RASA3: variants seen among roughly 807,000 people sequenced by gnomAD.
The protein encoded by RASA3 is ras GTPase-activating protein 3.
RASA3 carries 73 observed loss-of-function variants against 110.0 expected under a neutral mutation model. That is an observed-to-expected ratio of 0.66 (90% CI 0.55 to 0.81). The LOEUF (loss-of-function observed/expected upper bound fraction) is 0.81. Among genes scored for constraint, RASA3 ranks in the 30% least tolerant of loss-of-function variants. The probability of loss-of-function intolerance (pLI) is 0.00; values close to 1 mark genes in which losing one functional copy is unlikely to be tolerated. For missense variants in RASA3, 976 were observed against 1,113.2 expected, an observed-to-expected ratio of 0.88 and a Z score of 1.75; for synonymous variants, 500 against 451.4, an observed-to-expected ratio of 1.11 and a Z score of -1.37.
At chr13:114,118,904 T>A (rs1051791093) in intron 1 of RASA3, among the ~76,000 whole-genome samples, 1 of 152,184 alleles carries the variant, frequency 6.6e-6, no homozygotes, top group African/African-American at 2.4e-5. Context: ...GCGACAGGGG[T>A]GTGGGTGCCA....
At chr13:114,071,777 C>T (rs1372384558) in intron 2 of RASA3, among the ~76,000 whole-genome samples, 4 of 152,178 alleles carry the variant, frequency 2.6e-5, no homozygotes, top group African/African-American at 4.8e-5. Flanking sequence ...CTGTCAGTGA[C>T]GGAGTGATAT....
rs536255211 is a variant in RASA3 at position 114,056,499 on chromosome 13, C to T, written c.174-4344G>A. On this transcript the variant is annotated intron_variant, in intron 2 of 23. Coordinates refer to ENST00000334062, the MANE Select transcript of RASA3 (RefSeq NM_007368.4). The surrounding 1 kb of genome is among the most constrained non-coding windows in gnomAD (Gnocchi z 5.7). ...GGGCTGAGAGTGCGGCGTCCCTGGG[C>T]GCTGCCCGGTAGCGGGGTGTTCAGT... The T allele has an allele frequency of 1.3e-4, 125 of 985,316 alleles. No individual in the cohort carries two copies. The highest frequency in any genetic ancestry group is 1.4e-4 in the Non-Finnish European group (120 of 829,924). The allele number at this position is 985,316 out of a possible 1,614,324, so 61.0% of individuals were successfully genotyped here. A position where few individuals can be genotyped will look rare whatever the true frequency, so the allele number is the denominator to read the frequency against.
rs368241696 is a variant in RASA3, at chr13:114,018,079, C to T, written c.1091+25G>A. Reference sequence around the variant, plus strand: ...CCCTGTAGCGGGTCCAGGCCGCTCTCCCCCGGGGCAGGGTGGGCACTCACT... The same window carrying T: ...CCCTGTAGCGGGTCCAGGCCGCTCTTCCCCGGGGCAGGGTGGGCACTCACT... On this transcript the variant is annotated intron_variant, in intron 11 of 23. Coordinates refer to ENST00000334062, the MANE Select transcript of RASA3 (RefSeq NM_007368.4). 2.2e-3 allele frequency: 3,339 copies of T among 1,494,182 alleles called. 94 individuals carry two copies. In the South Asian group the frequency reaches 0.04, roughly 18 times the overall value. 92.6% of individuals were successfully genotyped at this position (1,494,182 alleles called of 1,614,324 possible).
intron 19 of RASA3, 108 bp downstream of exon 19, chr13:114,000,718 G>A (rs951541795): frequency 2.7e-5 from 23 of 855,126 alleles, no homozygotes; most frequent in Admixed American, 1.5e-4. Flanking sequence ...GGCTCTGCCC[G>A]CAGCACTGAA....
rs924933399 is a variant in RASA3 at position 114,011,548 on chromosome 13, G to A, written c.1513-300C>T. Reference sequence around the variant, plus strand: ...GCATCAGGTGGGGTCATGGCTCTGGGGCGCTGAGTCTCGGGGTGCTGAGTC... The same window carrying A: ...GCATCAGGTGGGGTCATGGCTCTGGAGCGCTGAGTCTCGGGGTGCTGAGTC... On this transcript the variant is annotated intron_variant, in intron 15 of 23. Coordinates refer to ENST00000334062, the MANE Select transcript of RASA3 (RefSeq NM_007368.4). The surrounding 1 kb of genome is among the most constrained non-coding windows in gnomAD (Gnocchi z 4.8). 2.6e-5 allele frequency among the ~76,000 whole-genome samples: 4 copies of A among 152,236 alleles called. No homozygotes were observed. The highest frequency in any genetic ancestry group is 4.8e-5 in the African/African-American group (2 of 41,536).
chr13:113,994,093 C>T (rs566383951), intron 21 of RASA3, among the ~76,000 whole-genome samples: 48 of 152,240 alleles, frequency 3.2e-4, no homozygotes, highest in African/African-American at 8.4e-4. Flanking sequence ...ATTTCTGAAA[C>T]GTCTGTAATT....
intron 2 of RASA3, among the ~76,000 whole-genome samples, chr13:114,064,921 T>G (rs1251505416): frequency 1.3e-5 from 2 of 152,254 alleles, no homozygotes; most frequent in Non-Finnish European, 1.5e-5. Flanking sequence ...TCCTGCCATG[T>G]GGCCTAAGGA....
chr13:114,037,115 G>A (rs1253357157), intron 4 of RASA3, among the ~76,000 whole-genome samples: 5 of 152,182 alleles, frequency 3.3e-5, no homozygotes, highest in African/African-American at 7.2e-5. Context: ...GCTTGGCCAC[G>A]GGTACGCAGC....
At chr13:114,000,707 G>C in intron 19 of RASA3, 119 bp downstream of exon 19, 1 of 777,638 alleles carries the variant, frequency 1.3e-6, no homozygotes, top group Non-Finnish European at 2.2e-6. Context: ...CCGCGGCCCC[G>C]GGCTCTGCCC....
At chr13:114,099,530 C>G (rs1341510585) in intron 1 of RASA3, among the ~76,000 whole-genome samples, 1 of 151,560 alleles carries the variant, frequency 6.6e-6, no homozygotes, top group Non-Finnish European at 1.5e-5. Context: ...AGCGCGTCTC[C>G]CTCCTTTCCC....
chr13:114,014,723 C>T lies in RASA3; in HGVS notation c.1405+486G>A, dbSNP rs1007797600. Among the ~76,000 whole-genome samples, 6 of 152,136 alleles carry T rather than the reference C, an allele frequency of 3.9e-5. No homozygotes were observed. The highest frequency in any genetic ancestry group is 5.9e-5 in the Non-Finnish European group (4 of 67,998). On this transcript the variant is annotated intron_variant, in intron 14 of 23. Coordinates refer to ENST00000334062, the MANE Select transcript of RASA3 (RefSeq NM_007368.4). This position sits in a 1 kb window ranked among gnomAD's most constrained non-coding sequence, Gnocchi z 4.5. ...GGGGTTTGAAGAAAGGGCAGCTCCCCCAGGGGTCCTGTCTCTTCGAAGACA... is the reference window on the plus strand; with the variant it reads ...GGGGTTTGAAGAAAGGGCAGCTCCCTCAGGGGTCCTGTCTCTTCGAAGACA...
intron 1 of RASA3, among the ~76,000 whole-genome samples, chr13:114,129,087 C>T (rs1377926755): frequency 6.6e-6 from 1 of 152,206 alleles, no homozygotes; most frequent in Non-Finnish European, 1.5e-5. Context: ...GCCTTGGGGG[C>T]GGGGGCCCCA....
Position 114,117,725 on chromosome 13 carries a change from T to C in RASA3, c.55+14710A>G, listed in dbSNP as rs899975110. ...GGGGTGCACGTGTGTGAGGGATGCA[T>C]GTGTGTGAGGAGAGCACGTGTGTGA... On this transcript the variant is annotated intron_variant, in intron 1 of 23. Coordinates refer to ENST00000334062, the MANE Select transcript of RASA3 (RefSeq NM_007368.4). Among the ~76,000 whole-genome samples, 10 of 59,784 alleles carry C rather than the reference T, an allele frequency of 1.7e-4. No individual in the cohort carries two copies. The South Asian group carries it at 2.6e-3, about 16-fold the overall frequency. The allele number at this position is 59,784 out of a possible 152,430, so 39.2% of individuals were successfully genotyped here. A position where few individuals can be genotyped will look rare whatever the true frequency, so the allele number is the denominator to read the frequency against.
chr13:114,063,035 C>T (rs1416517323), intron 2 of RASA3, among the ~76,000 whole-genome samples: 6 of 152,138 alleles, frequency 3.9e-5, no homozygotes, highest in South Asian at 2.1e-4. Flanking sequence ...TTACAGGGCG[C>T]GAGTGTCGTT....
chr13:114,074,787 C>G (rs1237493322), intron 1 of RASA3, among the ~76,000 whole-genome samples: 3 of 152,216 alleles, frequency 2.0e-5, no homozygotes, highest in African/African-American at 7.2e-5. Context: ...TCCCGGACTC[C>G]TTGTTTGCCA....
chr13:114,020,276 G>C (rs1444575933), intron 9 of RASA3, among the ~76,000 whole-genome samples: 1 of 152,100 alleles, frequency 6.6e-6, no homozygotes, highest in Non-Finnish European at 1.5e-5. Context: ...CCCCGGTCAG[G>C]TGGGTGGAGC....
intron 1 of RASA3, among the ~76,000 whole-genome samples, chr13:114,089,749 G>A (rs867614809): frequency 4.6e-5 from 7 of 152,136 alleles, no homozygotes; most frequent in South Asian, 2.1e-4. Context: ...AGTGTATTCC[G>A]AGTTGAGCAA....
chr13:113,995,870 GA>G (rs1404341716), intron 21 of RASA3, among the ~76,000 whole-genome samples: 1 of 90,350 alleles, frequency 1.1e-5, no homozygotes, highest in Non-Finnish European at 2.4e-5. Context: ...GGCTGATGGG[GA>G]GGCCCGGCTG....
In RASA3 at chr13:114,056,700, C is replaced by G. The variant is rs2079251658; in HGVS notation, c.174-4545G>C. ...AGGTGCTTAAAATTCATAAATAAAC[C>G]AGAAATCCATTCAATAAAAAGAGAT... On this transcript the variant is annotated intron_variant, in intron 2 of 23. Coordinates refer to ENST00000334062, the MANE Select transcript of RASA3 (RefSeq NM_007368.4). The surrounding 1 kb of genome is among the most constrained non-coding windows in gnomAD (Gnocchi z 5.7). The G allele has an allele frequency of 1.0e-6, 1 of 973,302 alleles. No individual in the cohort carries two copies. The highest frequency in any genetic ancestry group is 1.2e-6 in the Non-Finnish European group (1 of 818,868). The allele number at this position is 973,302 out of a possible 1,614,324, so 60.3% of individuals were successfully genotyped here.
Sources: allele counts gnomAD v4.1 joint callset (sites outside exome capture counted in the v4.1 genomes callset), GRCh38; gene constraint gnomAD v4.1.1; non-coding constraint Gnocchi (gnomAD v3.1); transcripts MANE v1.5; gene names NCBI Gene and HGNC (gene_info 2026-07-23, HGNC 2026-07-21).